Variants in NBAS observed in about 807,000 individuals in gnomAD.
NBAS encodes NAG/BC035112 fusion.
NBAS carries 219 observed loss-of-function variants against 302.5 expected under a neutral mutation model. The observed-to-expected ratio is 0.72, with a 90% CI of 0.65 to 0.81. The LOEUF is 0.81. Among genes scored for constraint, NBAS ranks in the 30% least tolerant of loss-of-function variants. NBAS has a pLI of 0.00. For missense variants in NBAS, 2,932 were observed against 2,841.6 expected (o/e 1.03, Z -0.72); for synonymous variants, 1,118 against 1,021.6 (o/e 1.09, Z -1.80).
chr2:15,396,890 C>A (rs927844736), intron 26 of NBAS, among the ~76,000 whole-genome samples: 2 of 152,216 alleles, frequency 1.3e-5, no homozygotes, highest in African/African-American at 2.4e-5. Flanking sequence ...TAGGACCCCT[C>A]CTCTCCAGGA....
chr2:15,415,250 G>C (rs763029907), intron 25 of NBAS, among the ~76,000 whole-genome samples: 12 of 152,172 alleles, frequency 7.9e-5, no homozygotes, highest in Non-Finnish European at 1.3e-4. Context: ...GTAACACTGG[G>C]AAAGTCATGT....
the NBAS span, among the ~76,000 whole-genome samples, chr2:15,023,162 C>T: frequency 6.6e-6 from 1 of 152,010 alleles, no homozygotes; most frequent in African/African-American, 2.4e-5. Flanking sequence ...AAAATGGAAT[C>T]CTAATATATG....
the NBAS span, among the ~76,000 whole-genome samples, chr2:14,940,878 G>A: frequency 6.6e-6 from 1 of 152,142 alleles, no homozygotes; most frequent in South Asian, 2.1e-4. Flanking sequence ...ATAAATACCT[G>A]CCTGTAGGCT....
At chr2:15,098,560 TTA>T in the NBAS span, among the ~76,000 whole-genome samples, 2 of 121,194 alleles carry the variant, frequency 1.7e-5, no homozygotes, top group African/African-American at 6.6e-5. Context: ...ATGTTATATA[TTA>T]TATATTGTAT....
the NBAS span, among the ~76,000 whole-genome samples, chr2:14,885,745 AG>A: frequency 2.0e-5 from 3 of 152,168 alleles, no homozygotes; most frequent in African/African-American, 7.2e-5. Context: ...GAGGCCTACG[AG>A]GTAGTAGGGC....
At chr2:14,912,703 TAAAAAAAAA>T in the NBAS span, among the ~76,000 whole-genome samples, 32 of 78,574 alleles carry the variant, frequency 4.1e-4, 1 homozygote, top group Admixed American at 7.3e-4. Context: ...CATTCATTTT[TAAAAAAAAA>T]AAAAAAAAAA....
Position 15,218,927 on chromosome 2 carries a change from C to T in NBAS, c.6278G>A (p.Arg2093Gln), listed in dbSNP as rs773309145. 1.9e-5 allele frequency: 30 copies of T among 1,614,144 alleles called. No homozygotes were observed. Among genetic ancestry groups the T allele is most frequent in the Middle Eastern group, 3.3e-4 (2 of 6,084 alleles). ...VSPEDLLEWLRPFCADDAWPV... is the reference protein window; with the variant it reads ...VSPEDLLEWLQPFCADDAWPV... Reference sequence around the variant, plus strand: ...CCAGGCGTCATCAGCACAGAAAGGCCGCAGCCACTCCAGCAGGTCCTCAGG... The same window carrying T: ...CCAGGCGTCATCAGCACAGAAAGGCTGCAGCCACTCCAGCAGGTCCTCAGG... Residue 2093 changes from arginine to glutamine, a missense_variant, in exon 48 of 52, where the codon CGG (arginine) becomes CAG (glutamine). Coordinates refer to ENST00000281513, the MANE Select transcript of NBAS (RefSeq NM_015909.4).
chr2:14,797,498 C>T, the NBAS span, among the ~76,000 whole-genome samples: 1 of 152,204 alleles, frequency 6.6e-6, no homozygotes, highest in Non-Finnish European at 1.5e-5. Context: ...ATTCACCACA[C>T]TGCAGATGGC....
At chr2:15,177,853 G>A (rs34856611) in intron 51 of NBAS, 16,386 of 243,782 alleles carry the variant, frequency 0.067, 647 homozygotes, top group East Asian at 0.14. Flanking sequence ...AGAGGCCTTC[G>A]TTCTGATTAA....
intron 25 of NBAS, among the ~76,000 whole-genome samples, chr2:15,412,830 A>C (rs1164107443): frequency 6.6e-6 from 1 of 152,118 alleles, no homozygotes; most frequent in South Asian, 2.1e-4. Context: ...TATCACAAAA[A>C]AATTTTCCAA....
At chr2:15,548,783 T>C (rs889221299) in intron 6 of NBAS, among the ~76,000 whole-genome samples, 1 of 150,558 alleles carries the variant, frequency 6.6e-6, no homozygotes, top group Middle Eastern at 3.2e-3. Flanking sequence ...CGATGCTTGA[T>C]CTAAAATATA....
rs77302326 is a variant in NBAS, at chr2:15,468,766, A to G, written c.1726-233T>C. Among the ~76,000 whole-genome samples, 221 of 152,358 alleles carry G rather than the reference A, an allele frequency of 1.5e-3. 4 individuals are homozygous for G. The East Asian group carries it at 0.021, about 15-fold the overall frequency. ...GCTTGCTTTCTTCCTCTAATGAGCT[A>G]CGCAGAAACAGAAAGCTCAGGACTC... On this transcript the variant is annotated intron_variant, in intron 16 of 51. Coordinates refer to ENST00000281513, the MANE Select transcript of NBAS (RefSeq NM_015909.4).
intron 25 of NBAS, among the ~76,000 whole-genome samples, chr2:15,404,491 A>G (rs925194286): frequency 2.6e-5 from 4 of 151,780 alleles, no homozygotes; most frequent in Non-Finnish European, 4.4e-5. Context: ...GTGAGACATT[A>G]AATAATCACT....
the NBAS span, among the ~76,000 whole-genome samples, chr2:15,002,413 TC>T: frequency 2.0e-5 from 3 of 152,120 alleles, no homozygotes; most frequent in Non-Finnish European, 4.4e-5. Context: ...GTTCTCCACG[TC>T]CCCACCAGAC....
At chr2:14,843,151 A>G in the NBAS span, among the ~76,000 whole-genome samples, 1 of 152,228 alleles carries the variant, frequency 6.6e-6, no homozygotes, top group Non-Finnish European at 1.5e-5. Context: ...CAAACTGGAT[A>G]TAGAAGGAAC....
chr2:14,976,827 G>C, the NBAS span, among the ~76,000 whole-genome samples: 1 of 152,264 alleles, frequency 6.6e-6, no homozygotes, highest in South Asian at 2.1e-4. Context: ...ACAAGCCAAG[G>C]GGTGTCTACA....
chr2:15,099,575 C>A, the NBAS span, among the ~76,000 whole-genome samples: 140 of 151,980 alleles, frequency 9.2e-4, no homozygotes, highest in East Asian at 7.4e-3. Flanking sequence ...TATTTATTTA[C>A]CTTAAAAAAA....
At chr2:15,464,494 C>A (rs1383420794) in intron 19 of NBAS, among the ~76,000 whole-genome samples, 1 of 152,120 alleles carries the variant, frequency 6.6e-6, no homozygotes, top group East Asian at 1.9e-4. Context: ...CATTTCTACT[C>A]CACTTCTATA....
chr2:15,238,423 A>C, intron 45 of NBAS, 45 bp downstream of exon 45: 1 of 1,571,376 alleles, frequency 6.4e-7, no homozygotes, highest in Non-Finnish European at 8.7e-7. Context: ...AAAAGAAAGA[A>C]TATACTGATA....
Sources: gnomAD v4.1 joint callset for allele counts (sites outside exome capture counted in the v4.1 genomes callset) on GRCh38, gnomAD v4.1.1 for gene constraint, MANE v1.5 for transcripts, NCBI Gene and HGNC (gene_info 2026-07-23, HGNC 2026-07-21) for gene names.